Variants in ATIC observed in about 807,000 individuals in gnomAD.
ATIC encodes the protein 5-aminoimidazole-4-carboxamide ribonucleotide formyltransferase/IMP cyclohydrolase, also known as bifunctional purine biosynthesis protein ATIC.
Under a neutral mutation model 72.5 loss-of-function variants are expected in ATIC, and 64 were observed. The ratio of observed to expected loss-of-function variants is 0.88; its 90% CI spans 0.72 to 1.09. The LOEUF is 1.09. Ranked by LOEUF, ATIC falls within the 50% of genes least tolerant of loss-of-function variation. ATIC has a pLI of 0.00. For missense variants in ATIC, 787 were observed against 732.4 expected (o/e 1.07, Z -0.86); for synonymous variants, 281 against 267.1 (o/e 1.05, Z -0.51).
At chr2:215,360,092 C>T in the ATIC span, among the ~76,000 whole-genome samples, 1 of 152,156 alleles carries the variant, frequency 6.6e-6, no homozygotes, top group Non-Finnish European at 1.5e-5. Context: ...ACGCCCACTG[C>T]CATGCCTGGT....
In ATIC at chr2:215,313,371, G is replaced by T. The variant is rs74901011; in HGVS notation, c.146+747G>T. On this transcript the variant is annotated intron_variant, in intron 2 of 15. Transcript: ENST00000236959. The stretch of plus-strand genomic sequence containing the variant: ...GAAGGTGCAAATCATTCATTCCCAC[G>T]TTCACAAGCCCTTCATTAGCTGACT... Among the ~76,000 whole-genome samples, 771 of 152,174 alleles carry T rather than the reference G, an allele frequency of 5.1e-3. 6 individuals are homozygous for T. The highest frequency in any genetic ancestry group is 0.018 in the African/African-American group (736 of 41,528).
intron 12 of ATIC, among the ~76,000 whole-genome samples, chr2:215,339,693 G>A (rs1226418861): frequency 1.3e-5 from 2 of 152,040 alleles, no homozygotes; most frequent in Non-Finnish European, 2.9e-5. Context: ...GGAGTGCAGT[G>A]GTGCGATCTC....
At chr2:215,346,664 C>T in intron 13 of ATIC, 95 bp from the exon 14 acceptor site, 2 of 1,425,436 alleles carry the variant, frequency 1.4e-6, no homozygotes, top group Admixed American at 3.4e-5. Context: ...TTCCACAAAA[C>T]TAATAAATAG....
intron 5 of ATIC, 55 bp from the exon 6 acceptor site, chr2:215,325,932 G>C: frequency 6.3e-7 from 1 of 1,589,492 alleles, no homozygotes; most frequent in African/African-American, 1.3e-5. Context: ...ATTTAAAAGC[G>C]GTTCATAAGC....
rs375558113 is a variant in ATIC, at chr2:215,346,921, G to A, written c.1483G>A (p.Val495Met). The A allele has an allele frequency of 1.2e-6, 2 of 1,614,198 alleles. No homozygotes were observed. The highest frequency in any genetic ancestry group is 1.7e-6 in the Non-Finnish European group (2 of 1,180,026). Residue 495 changes from valine to methionine, a missense_variant, in exon 14 of 16, where the codon GTG becomes ATG. Transcript: ENST00000236959. The part of the protein sequence containing the change: ...AEISNAIDQY[V>M]TGTIGEDEDL... The stretch of plus-strand genomic sequence containing the variant: ...AATCTCCAATGCCATCGATCAATAT[G>A]TGACTGGAACCATTGGCGAGGTGAA...
In ATIC at chr2:215,335,751, A is replaced by T. The variant is rs2052947067; in HGVS notation, c.1009-284A>T. Among the ~76,000 whole-genome samples, 3 of 152,344 alleles carry T rather than the reference A, an allele frequency of 2.0e-5. No homozygotes were observed. In the South Asian group the frequency reaches 6.2e-4, roughly 32 times the overall value. The stretch of plus-strand genomic sequence containing the variant: ...CTCATTCAAAACACTCCCTGAAGAA[A>T]TATTTCCTCCTGAGGTACATGTGTT... On this transcript the variant is annotated intron_variant, in intron 10 of 15. Transcript: ENST00000236959.
chr2:215,312,078 C>A lies in ATIC; in HGVS notation c.-65C>A. ...TGAGCCGCCACATCCCGGCAGCCCT[C>A]CTACCTGCGCACGTGGTGCCGCCGC... On this transcript the variant is annotated 5_prime_UTR_variant, in exon 1 of 16. Coordinates refer to ENST00000236959, the MANE Select transcript of ATIC (RefSeq NM_004044.7). The A allele has an allele frequency of 2.0e-6, 3 of 1,529,186 alleles. No individual in the cohort carries two copies. Among genetic ancestry groups the A allele is most frequent in the Non-Finnish European group, 2.6e-6 (3 of 1,143,846 alleles). 94.7% of individuals were successfully genotyped at this position (1,529,186 alleles called of 1,614,324 possible).
chr2:215,347,159 T>G, intron 14 of ATIC: 1 of 594,248 alleles, frequency 1.7e-6, no homozygotes, highest in Non-Finnish European at 2.9e-6. Flanking sequence ...GAAACCACAG[T>G]CCTCTGTCTT....
rs2052811382 is a variant in ATIC, at chr2:215,325,314, G to A, written c.364G>A (p.Glu122Lys). The change falls in exon 5 of 16, where the codon GAG becomes AAG. Residue 122 changes from glutamate to lysine, a missense_variant. Glu to Lys is a moderately conservative substitution (Grantham distance 56, BLOSUM62 1). Coordinates refer to ENST00000236959, the MANE Select transcript of ATIC (RefSeq NM_004044.7). Reference protein sequence around the residue: ...SPGVTVEEAVEQIDIGGVTLL... With the variant: ...SPGVTVEEAVKQIDIGGVTLL... ...AGGTGTAACTGTTGAGGAGGCTGTG[G>A]AGCAAATTGACATTGGTAAGTCAGA... 3 of 1,613,332 alleles carry A rather than the reference G, an allele frequency of 1.9e-6. No homozygotes were observed. In the South Asian group the frequency reaches 3.3e-5, roughly 18 times the overall value.
intron 11 of ATIC, among the ~76,000 whole-genome samples, chr2:215,337,162 G>A (rs1339060595): frequency 1.3e-5 from 2 of 150,148 alleles, no homozygotes; most frequent in African/African-American, 4.9e-5. Context: ...ATTATGCATT[G>A]ATAAAGCAAA....
intron 9 of ATIC, among the ~76,000 whole-genome samples, chr2:215,334,264 G>A (rs1415182743): frequency 7.2e-6 from 1 of 138,690 alleles, no homozygotes; most frequent in Non-Finnish European, 1.5e-5. Context: ...CGCCATCTCA[G>A]CTCACTGCAA....
At chr2:215,367,673 T>C in the ATIC span, 5 of 645,422 alleles carry the variant, frequency 7.7e-6, no homozygotes, top group East Asian at 1.4e-4. Flanking sequence ...AATGAAGCAA[T>C]GTCCAACAAG....
intron 2 of ATIC, among the ~76,000 whole-genome samples, chr2:215,317,926 A>G (rs1004429975): frequency 2.5e-4 from 38 of 152,356 alleles, no homozygotes; most frequent in African/African-American, 7.5e-4. Context: ...GTAGTTACCA[A>G]TTATCCCTGA....
chr2:215,331,527 C>T (rs538189427), intron 7 of ATIC, among the ~76,000 whole-genome samples: 5 of 151,826 alleles, frequency 3.3e-5, no homozygotes, highest in Non-Finnish European at 5.9e-5. Context: ...GGATTACATG[C>T]GCCCGCCACC....
intron 12 of ATIC, among the ~76,000 whole-genome samples, chr2:215,340,836 A>G (rs1277524880): frequency 6.6e-6 from 1 of 152,198 alleles, no homozygotes; most frequent in Non-Finnish European, 1.5e-5. Flanking sequence ...ATTGCATGCA[A>G]CTTGGAAAAT....
At chr2:215,335,778 A>G (rs575940239) in intron 10 of ATIC, among the ~76,000 whole-genome samples, 14 of 152,360 alleles carry the variant, frequency 9.2e-5, no homozygotes, top group Admixed American at 6.5e-4. Context: ...ACATGTGTTA[A>G]GAGCAAATCA....
At chr2:215,340,011 T>C (rs2053001977) in intron 12 of ATIC, among the ~76,000 whole-genome samples, 1 of 144,738 alleles carries the variant, frequency 6.9e-6, no homozygotes. Flanking sequence ...TTTTTATTCC[T>C]TTGAAGCTTG....
chr2:215,360,814 G>A, the ATIC span: 5 of 152,272 alleles, frequency 3.3e-5, no homozygotes, highest in Non-Finnish European at 1.5e-5. Context: ...ATATTCACAG[G>A]AATTATTTCC....
chr2:215,350,452 A>C (rs1019715325), downstream of ATIC, among the ~76,000 whole-genome samples: 5 of 152,016 alleles, frequency 3.3e-5, no homozygotes. Flanking sequence ...TTTATTTTTA[A>C]TCACACTTCT....
Sources: gnomAD v4.1 joint callset for allele counts (sites outside exome capture counted in the v4.1 genomes callset) on GRCh38, gnomAD v4.1.1 for gene constraint, MANE v1.5 for transcripts, NCBI Gene and HGNC (gene_info 2026-07-23, HGNC 2026-07-21) for gene names.